ZNF385B: variants seen among roughly 807,000 people sequenced by gnomAD.
ZNF385B encodes zinc finger protein 385B.
In ZNF385B, 23 loss-of-function variants were observed where a neutral mutation model predicts 39.2. That is an observed-to-expected ratio of 0.59 (90% CI 0.42 to 0.83). The LOEUF is 0.83. ZNF385B is among the 40% of genes least tolerant of loss of function. The pLI, the probability that ZNF385B is intolerant of heterozygous loss-of-function variation, is 0.00. For missense variants in ZNF385B, 552 were observed against 598.9 expected (o/e 0.92, Z 0.82); for synonymous variants, 205 against 222.6 (o/e 0.92, Z 0.70).
intron 3 of ZNF385B, among the ~76,000 whole-genome samples, chr2:179,625,355 AT>A (rs574458921): frequency 6.6e-6 from 1 of 151,784 alleles, no homozygotes; most frequent in African/African-American, 2.4e-5. Context: ...GATTATTTAT[AT>A]TTTTTTCCTC....
intron 4 of ZNF385B, among the ~76,000 whole-genome samples, chr2:179,524,551 C>CAAAAAAAAGAAAAAAAAAAAA (rs1300764305): frequency 1.3e-4 from 8 of 60,990 alleles, no homozygotes; most frequent in Non-Finnish European, 2.1e-4. Flanking sequence ...GACTCCGTCT[C>CAAAAAAAAGAAAAAAAAAAAA]AAAAAAAAAA....
chr2:179,654,273 A>G (rs568908482), intron 3 of ZNF385B, among the ~76,000 whole-genome samples: 13 of 152,176 alleles, frequency 8.5e-5, no homozygotes, highest in African/African-American at 2.9e-4. Flanking sequence ...CAGAAGTGGA[A>G]TTGCAAAAAT....
intron 1 of ZNF385B, among the ~76,000 whole-genome samples, chr2:179,820,374 T>C (rs1320058106): frequency 6.6e-6 from 1 of 152,078 alleles, no homozygotes; most frequent in Non-Finnish European, 1.5e-5. Context: ...TATTTTCTCT[T>C]TCTCCTTCTC....
intron 8 of ZNF385B, among the ~76,000 whole-genome samples, chr2:179,445,323 C>G (rs1028747668): frequency 6.6e-6 from 1 of 152,190 alleles, no homozygotes; most frequent in Non-Finnish European, 1.5e-5. Flanking sequence ...CTGTTCCTAT[C>G]TCTCCAACAT....
intron 3 of ZNF385B, among the ~76,000 whole-genome samples, chr2:179,547,930 AT>A (rs1388332224): frequency 6.7e-6 from 1 of 149,048 alleles, no homozygotes; most frequent in Non-Finnish European, 1.5e-5. Context: ...CATTGTAGAG[AT>A]TTTTTACTTC....
intron 3 of ZNF385B, among the ~76,000 whole-genome samples, chr2:179,722,409 G>A (rs570127908): frequency 1.3e-5 from 2 of 152,168 alleles, no homozygotes; most frequent in South Asian, 4.1e-4. Flanking sequence ...CAATTCAATG[G>A]AATGGAATAG....
At chr2:179,669,720 G>A (rs959221541) in intron 3 of ZNF385B, among the ~76,000 whole-genome samples, 2 of 152,152 alleles carry the variant, frequency 1.3e-5, no homozygotes, top group Non-Finnish European at 2.9e-5. Flanking sequence ...TTCTTTGGAG[G>A]TTATTAAAGC....
At position 179,548,621 on chromosome 2, in the gene ZNF385B, C is replaced by A. The variant is rs1424438989; in HGVS notation, c.299-3652G>T. Among the ~76,000 whole-genome samples the A allele has an allele frequency of 1.3e-5, 2 of 149,392 alleles. 1 individual carries two copies. The highest frequency in any genetic ancestry group is 3.0e-5 in the Non-Finnish European group (2 of 67,666). ...TTAATGGACTCACAGTTCTACATGG[C>A]TGGAGAGGCCTCACAACCATAGTGG... On this transcript the variant is annotated intron_variant, in intron 3 of 9. Coordinates refer to ENST00000410066, the MANE Select transcript of ZNF385B (RefSeq NM_152520.6).
chr2:179,732,690 G>T (rs1037021749), intron 3 of ZNF385B, among the ~76,000 whole-genome samples: 11 of 152,110 alleles, frequency 7.2e-5, no homozygotes, highest in African/African-American at 2.7e-4. Flanking sequence ...CTAGAAGCAA[G>T]AGAATTCATC....
At chr2:179,573,183 A>G (rs1319580778) in intron 3 of ZNF385B, among the ~76,000 whole-genome samples, 2 of 152,202 alleles carry the variant, frequency 1.3e-5, no homozygotes, top group East Asian at 1.9e-4. Flanking sequence ...CTTCTGTAAC[A>G]TATCTTTTCA....
At chr2:179,467,806 GA>G (rs11313974) in intron 6 of ZNF385B, among the ~76,000 whole-genome samples, 23,305 of 141,672 alleles carry the variant, frequency 0.16, 1,912 homozygotes, top group Non-Finnish European at 0.19. Flanking sequence ...ATGTCCTTTA[GA>G]AAAAAAAAAA....
intron 5 of ZNF385B, among the ~76,000 whole-genome samples, chr2:179,501,000 A>G (rs2056707369): frequency 6.6e-6 from 1 of 152,226 alleles, no homozygotes; most frequent in African/African-American, 2.4e-5. Flanking sequence ...GGTGTTCAAC[A>G]TCATTGATCA....
At chr2:179,814,518 A>C (rs954247189) in intron 1 of ZNF385B, 1 of 726,002 alleles carries the variant, frequency 1.4e-6, no homozygotes, top group African/African-American at 1.8e-5. Context: ...GAACAAGCAC[A>C]TCATGGTTGT....
At chr2:179,651,193 T>G (rs142247904) in intron 3 of ZNF385B, among the ~76,000 whole-genome samples, 1 of 152,096 alleles carries the variant, frequency 6.6e-6, no homozygotes, top group Non-Finnish European at 1.5e-5. Flanking sequence ...ATCACACAAG[T>G]TGCCTTCAAA....
chr2:179,671,054 T>G (rs1877944), intron 3 of ZNF385B, among the ~76,000 whole-genome samples: 43,656 of 152,152 alleles, frequency 0.29, 6,686 homozygotes, highest in Non-Finnish European at 0.35. Context: ...GTGAAGCACT[T>G]GCAACAGTGA....
chr2:179,760,050 A>ATTT (rs11435978), intron 3 of ZNF385B, among the ~76,000 whole-genome samples: 18 of 145,044 alleles, frequency 1.2e-4, no homozygotes, highest in African/African-American at 3.0e-4. Context: ...CATAGTAAAA[A>ATTT]TTTTTTTTTT....
intron 3 of ZNF385B, among the ~76,000 whole-genome samples, chr2:179,675,412 T>C (rs1344444052): frequency 6.6e-6 from 1 of 152,134 alleles, no homozygotes; most frequent in African/African-American, 2.4e-5. Context: ...TGTTCAAGGG[T>C]CAACTGTATT....
intron 3 of ZNF385B, among the ~76,000 whole-genome samples, chr2:179,592,767 C>T (rs1012545360): frequency 2.0e-5 from 3 of 151,928 alleles, no homozygotes; most frequent in Non-Finnish European, 4.4e-5. Flanking sequence ...ACTTGAAGGC[C>T]GTATGTCTAA....
chr2:179,496,696 A>C (rs2056248142), intron 5 of ZNF385B, among the ~76,000 whole-genome samples: 1 of 152,152 alleles, frequency 6.6e-6, no homozygotes, highest in Non-Finnish European at 1.5e-5. Context: ...ATATTTATAG[A>C]ACTGAAGGAA....
Sources: allele counts gnomAD v4.1 joint callset (sites outside exome capture counted in the v4.1 genomes callset), GRCh38; gene constraint gnomAD v4.1.1; transcripts MANE v1.5; gene names NCBI Gene and HGNC (gene_info 2026-07-23, HGNC 2026-07-21).